JAKMIP3: variants seen among roughly 807,000 people sequenced by gnomAD.
JAKMIP3 encodes Janus kinase and microtubule interacting protein 3.
In JAKMIP3, 58 loss-of-function variants were observed where a neutral mutation model predicts 118.5. That is an observed-to-expected ratio of 0.49 (90% CI 0.40 to 0.61). The LOEUF (loss-of-function observed/expected upper bound fraction) is 0.61. JAKMIP3 is among the 20% of genes least tolerant of loss of function. The pLI is 0.00. For missense variants in JAKMIP3, 950 were observed against 1,109.0 expected, an observed-to-expected ratio of 0.86 and a Z score of 2.04; for synonymous variants, 486 against 451.2, an observed-to-expected ratio of 1.08 and a Z score of -0.98.
At position 132,117,846 on chromosome 10, in the gene JAKMIP3, A is replaced by T. The variant is rs2047957827; in HGVS notation, c.633+272A>T. On this transcript the variant is annotated intron_variant, in intron 3 of 23. Transcript: ENST00000684848. This position sits in a 1 kb window ranked among gnomAD's most constrained non-coding sequence, Gnocchi z 8.6. Reference sequence around the variant, plus strand: ...AGACTCTCACCTCCCCTTTTCCACAAACACCAGCTCTACTTCCTTTCTTAA... The same window carrying T: ...AGACTCTCACCTCCCCTTTTCCACATACACCAGCTCTACTTCCTTTCTTAA... Among the ~76,000 whole-genome samples the T allele has an allele frequency of 6.6e-6, 1 of 152,132 alleles. No homozygotes were observed. The highest frequency in any genetic ancestry group is 1.5e-5 in the Non-Finnish European group (1 of 68,016).
At chr10:132,120,186 T>C (rs903243770) in intron 3 of JAKMIP3, among the ~76,000 whole-genome samples, 2 of 152,214 alleles carry the variant, frequency 1.3e-5, no homozygotes, top group African/African-American at 4.8e-5. Context: ...AATCCATAGA[T>C]TTGGGACATC....
At position 132,135,939 on chromosome 10, in the gene JAKMIP3, G is replaced by A. The variant is rs141077930; in HGVS notation, c.979G>A (p.Val327Ile). The change falls in exon 6 of 24, where the codon GTA becomes ATA. Residue 327 changes from valine to isoleucine, a missense_variant. By Grantham distance (29) the Val-to-Ile change is conservative. Transcript: ENST00000684848. ...SEERNELLKR[V>I]REAESQYKPL... The stretch of plus-strand genomic sequence containing the variant: ...GTGCGTTGTCTTTCAGTTGAAGCGC[G>A]TAAGAGAAGCTGAGAGTCAGTACAA... 4.0e-4 allele frequency: 639 copies of A among 1,612,058 alleles called. 1 individual carries two copies. In the African/African-American group the frequency reaches 6.2e-3, roughly 16 times the overall value.
intron 2 of JAKMIP3, among the ~76,000 whole-genome samples, chr10:132,109,934 A>G (rs1471634758): frequency 6.6e-6 from 1 of 152,250 alleles, no homozygotes; most frequent in African/African-American, 2.4e-5. Flanking sequence ...GGCAGCATCA[A>G]TGCTTCTGAA....
intron 1 of JAKMIP3, among the ~76,000 whole-genome samples, chr10:132,091,292 G>C (rs918148161): frequency 5.9e-5 from 9 of 151,878 alleles, no homozygotes; most frequent in Non-Finnish European, 1.2e-4. Context: ...ATGTCTATTA[G>C]GTCTGCTTGG....
intron 19 of JAKMIP3, 37 bp downstream of exon 19, chr10:132,154,027 G>A (rs972518335): frequency 6.3e-7 from 1 of 1,599,622 alleles, no homozygotes; most frequent in Non-Finnish European, 8.6e-7. Context: ...CCGGGGAGGG[G>A]CACTGGGCTG....
chr10:132,151,266 C>T (rs1449857160), intron 16 of JAKMIP3, among the ~76,000 whole-genome samples: 1 of 152,180 alleles, frequency 6.6e-6, no homozygotes, highest in Non-Finnish European at 1.5e-5. Context: ...ATCCTTCATC[C>T]TTTATCCTTC....
At chr10:132,172,689 G>A (rs998901879) in intron 23 of JAKMIP3, among the ~76,000 whole-genome samples, 6 of 151,828 alleles carry the variant, frequency 4.0e-5, no homozygotes, top group South Asian at 4.1e-4. Flanking sequence ...AGCCTCCAGC[G>A]CTCCTCCAGG....
chr10:132,134,644 G>A (rs528309140), intron 4 of JAKMIP3, among the ~76,000 whole-genome samples: 3 of 152,328 alleles, frequency 2.0e-5, no homozygotes, highest in African/African-American at 4.8e-5. Flanking sequence ...AAGGGGCAGC[G>A]GCAGGGGCCA....
chr10:132,078,141 C>T (rs1228541440), intron 1 of JAKMIP3, among the ~76,000 whole-genome samples: 1 of 152,150 alleles, frequency 6.6e-6, no homozygotes, highest in Non-Finnish European at 1.5e-5. Context: ...CTTTTGTTAC[C>T]TTGTTTGTAA....
At chr10:132,151,151 C>T (rs2056115922) in intron 16 of JAKMIP3, among the ~76,000 whole-genome samples, 1 of 152,148 alleles carries the variant, frequency 6.6e-6, no homozygotes, top group Non-Finnish European at 1.5e-5. Flanking sequence ...TTCATTCATC[C>T]ATTCTCCAAA....
intron 1 of JAKMIP3, among the ~76,000 whole-genome samples, chr10:132,068,205 G>GGGCTTCCGTGTGCACTGT (rs1228066942): frequency 6.6e-6 from 1 of 151,392 alleles, no homozygotes; most frequent in African/African-American, 2.4e-5. Context: ...TGTGGACTGT[G>GGGCTTCCGTGTGCACTGT]GGCTTCCGTG....
chr10:132,143,471 A>G (rs1156472393), intron 11 of JAKMIP3, among the ~76,000 whole-genome samples: 1 of 152,134 alleles, frequency 6.6e-6, no homozygotes, highest in Non-Finnish European at 1.5e-5. Flanking sequence ...CCAGAGAAAC[A>G]TTTGCTCGGG....
chr10:132,043,657 C>T (rs938596355), intron 1 of JAKMIP3, among the ~76,000 whole-genome samples: 16 of 152,132 alleles, frequency 1.1e-4, no homozygotes, highest in African/African-American at 2.7e-4. Flanking sequence ...TCCAGGAGCC[C>T]GTGGACACAG....
intron 1 of JAKMIP3, among the ~76,000 whole-genome samples, chr10:132,071,575 T>A (rs2039852794): frequency 6.6e-6 from 1 of 152,230 alleles, no homozygotes; most frequent in South Asian, 2.1e-4. Flanking sequence ...AATATGATTG[T>A]GAATATCCCT....
At chr10:132,051,711 C>G (rs2038111408) in intron 1 of JAKMIP3, among the ~76,000 whole-genome samples, 1 of 152,152 alleles carries the variant, frequency 6.6e-6, no homozygotes, top group Admixed American at 6.5e-5. Context: ...AGCCATCCAT[C>G]CTCCCACCTC....
chr10:132,112,637 A>T lies in JAKMIP3; in HGVS notation c.136-4440A>T, dbSNP rs1343472470. 6.6e-6 allele frequency among the ~76,000 whole-genome samples: 1 copy of T among 152,066 alleles called. No individual in the cohort carries two copies. Among genetic ancestry groups the T allele is most frequent in the Non-Finnish European group, 1.5e-5 (1 of 68,010 alleles). The stretch of plus-strand genomic sequence containing the variant: ...AGAAGTCTCCTGCCTTCCCCTGGGG[A>T]CTGTCTGCTTATTACTGTGGGTACC... On this transcript the variant is annotated intron_variant, in intron 2 of 23. Transcript: ENST00000684848. This position sits in a 1 kb window ranked among gnomAD's most constrained non-coding sequence, Gnocchi z 4.3.
At chr10:132,048,922 G>A (rs2133800162) in intron 1 of JAKMIP3, among the ~76,000 whole-genome samples, 1 of 152,218 alleles carries the variant, frequency 6.6e-6, no homozygotes, top group African/African-American at 2.4e-5. Context: ...TTACAGGCGT[G>A]AGCCACCGCG....
chr10:132,050,054 T>G (rs2038053976), intron 1 of JAKMIP3, among the ~76,000 whole-genome samples: 1 of 152,196 alleles, frequency 6.6e-6, no homozygotes, highest in Admixed American at 6.6e-5. Flanking sequence ...TTCTCTCTCT[T>G]TTTCTTCTTT....
rs1193545998 is a variant in JAKMIP3 at position 132,184,694 on chromosome 10, G to A, written c.*3441G>A. 1 of 152,122 alleles carries A rather than the reference G, an allele frequency of 6.6e-6. No individual in the cohort carries two copies. The highest frequency in any genetic ancestry group is 2.4e-5 in the African/African-American group (1 of 41,410). 9.4% of individuals were successfully genotyped at this position (152,122 alleles called of 1,614,324 possible). On this transcript the variant is annotated 3_prime_UTR_variant, in exon 24 of 24. Coordinates refer to ENST00000684848, the MANE Select transcript of JAKMIP3 (RefSeq NM_001323087.2). ...CAGGCCTAAAATAGGTTTGTATGGTGATCTACAAGATTTTACAAATATTTT... is the reference window on the plus strand; with the variant it reads ...CAGGCCTAAAATAGGTTTGTATGGTAATCTACAAGATTTTACAAATATTTT...
Sources: gnomAD v4.1 joint callset for allele counts (sites outside exome capture counted in the v4.1 genomes callset) on GRCh38, gnomAD v4.1.1 for gene constraint, Gnocchi (gnomAD v3.1) non-coding constraint, MANE v1.5 for transcripts, NCBI Gene and HGNC (gene_info 2026-07-23, HGNC 2026-07-21) for gene names.